The following NOX5 variants were observed in gnomAD, a reference collection of about 807,000 sequenced individuals.
NOX5 encodes the protein NADPH oxidase 5, also known as NADPH oxidase, EF-hand calcium binding domain 5.
In NOX5, 76 loss-of-function variants were observed where a neutral mutation model predicts 85.7. The ratio of observed to expected loss-of-function variants is 0.89; its 90% CI spans 0.74 to 1.07. NOX5 has a LOEUF of 1.07. Ranked by LOEUF, NOX5 falls within the 50% of genes least tolerant of loss-of-function variation. NOX5 has a pLI of 0.00. For missense variants in NOX5, 973 were observed against 999.5 expected (o/e 0.97, Z 0.36); for synonymous variants, 405 against 401.4 (o/e 1.01, Z -0.11).
rs775051442 is a variant in NOX5, at chr15:69,048,951, C to G, written c.1900-8C>G. On this transcript the variant is annotated splice_polypyrimidine_tract_variant and splice_region_variant and intron_variant, in intron 13 of 15. Transcript: ENST00000388866. The stretch of plus-strand genomic sequence containing the variant: ...CCAGCCTCTGAGCTGAAGGGCCTCT[C>G]TCCGTAGGTGGACTTTATCTGGATC... 4.4e-6 allele frequency: 7 copies of G among 1,607,504 alleles called. No homozygotes were observed. The highest frequency in any genetic ancestry group is 5.1e-6 in the Non-Finnish European group (6 of 1,176,936).
At chr15:69,031,837 C>G in intron 4 of NOX5, 25 bp downstream of exon 4, 1 of 1,579,844 alleles carries the variant, frequency 6.3e-7, no homozygotes, top group African/African-American at 1.3e-5. Flanking sequence ...CGGGCATTGG[C>G]ACTGTCCACG....
intron 2 of NOX5, among the ~76,000 whole-genome samples, chr15:69,027,502 T>C (rs1020171015): frequency 5.3e-5 from 8 of 152,002 alleles, no homozygotes; most frequent in Non-Finnish European, 8.8e-5. Flanking sequence ...CCCTCATAGT[T>C]TTATTAAGTC....
intron 1 of NOX5, among the ~76,000 whole-genome samples, chr15:69,025,396 A>G (rs895752210): frequency 1.2e-4 from 18 of 152,284 alleles, no homozygotes; most frequent in African/African-American, 4.1e-4. Context: ...AAGCACAAAA[A>G]TGTGAAAAAT....
intron 1 of NOX5, among the ~76,000 whole-genome samples, chr15:69,024,978 TA>T (rs1395066053): frequency 1.6e-4 from 25 of 152,224 alleles, no homozygotes; most frequent in African/African-American, 5.3e-4. Context: ...TGAAAACTAT[TA>T]CATTTATTTT....
At chr15:69,044,787 A>G (rs1014265975) in intron 10 of NOX5, among the ~76,000 whole-genome samples, 2 of 152,230 alleles carry the variant, frequency 1.3e-5, no homozygotes, top group East Asian at 3.8e-4. Flanking sequence ...AATAGTTTCT[A>G]TATCTGCATT....
intron 2 of NOX5, 101 bp from the exon 3 acceptor site, chr15:69,028,114 A>C (rs1595772367): frequency 1.5e-6 from 2 of 1,291,498 alleles, no homozygotes; most frequent in African/African-American, 1.5e-5. Context: ...TCTGTGGTGC[A>C]CCCCCCCACC....
At chr15:69,027,783 T>C (rs1202377784) in intron 2 of NOX5, among the ~76,000 whole-genome samples, 2 of 152,128 alleles carry the variant, frequency 1.3e-5, no homozygotes, top group Non-Finnish European at 1.5e-5. Context: ...GTGGAATCTA[T>C]AAGTCCTTCC....
intron 1 of NOX5, among the ~76,000 whole-genome samples, chr15:69,015,361 A>G (rs1433594153): frequency 2.0e-5 from 3 of 152,114 alleles, no homozygotes; most frequent in African/African-American, 7.2e-5. Flanking sequence ...CAGGCCCACC[A>G]CACTGATCTT....
Position 69,048,983 on chromosome 15 carries a change from G to C in NOX5, c.1924G>C (p.Asp642His). Reference protein sequence around the residue: ...HKVDFIWINRDQRSFEWFVSL... With the variant: ...HKVDFIWINRHQRSFEWFVSL... ...GGTGGACTTTATCTGGATCAACAGA[G>C]ACCAGCGGTCTTTCGAGTGGTTTGT... Residue 642 changes from aspartate to histidine, a missense_variant, in exon 14 of 16, where the codon GAC (aspartate) becomes CAC (histidine). By Grantham distance (81) the Asp-to-His change is moderately conservative. Transcript: ENST00000388866. 1 of 1,612,818 alleles carries C rather than the reference G, an allele frequency of 6.2e-7. No homozygotes were observed. Among genetic ancestry groups the C allele is most frequent in the Non-Finnish European group, 8.5e-7 (1 of 1,179,590 alleles).
At position 69,055,426 on chromosome 15, in the gene NOX5, G is replaced by A. The variant is rs778254437; in HGVS notation, c.2092G>A (p.Ala698Thr). The A allele has an allele frequency of 2.5e-6, 4 of 1,614,186 alleles. No homozygotes were observed. The highest frequency in any genetic ancestry group is 3.4e-6 in the Non-Finnish European group (4 of 1,180,034). ...CCTGCAGATGGCCCTTGACCTCCTGGCCAACAAGGAGAAGAAAGACTCCAT... is the reference window on the plus strand; with the variant it reads ...CCTGCAGATGGCCCTTGACCTCCTGACCAACAAGGAGAAGAAAGACTCCAT... ...IGLQMALDLL[A>T]NKEKKDSITG... The change falls in exon 15 of 16, where the codon GCC (alanine) becomes ACC (threonine). Residue 698 changes from alanine (A) to threonine (T), a missense_variant. Ala to Thr is a moderately conservative substitution (Grantham distance 58, BLOSUM62 0). Coordinates refer to ENST00000388866, the MANE Select transcript of NOX5 (RefSeq NM_024505.4).
chr15:69,037,784 G>C (rs1016401467), intron 8 of NOX5: 5 of 152,392 alleles, frequency 3.3e-5, no homozygotes, highest in Non-Finnish European at 7.3e-5. Context: ...GTGCTTGGGG[G>C]ACCACAGGTA....
At chr15:69,032,375 G>A (rs892032895) in intron 4 of NOX5, among the ~76,000 whole-genome samples, 2 of 151,820 alleles carry the variant, frequency 1.3e-5, no homozygotes, top group Non-Finnish European at 2.9e-5. Context: ...TCTGAATAGA[G>A]CCGGTTTTGT....
In NOX5 at chr15:69,033,107, C is replaced by A; in HGVS notation, c.685C>A (p.Arg229Ser). The change falls in exon 5 of 16, where the codon CGC becomes AGC. Residue 229 changes from arginine (R) to serine (S), a missense_variant. By Grantham distance (110) the Arg-to-Ser change is moderately radical (BLOSUM62 -1). Transcript: ENST00000388866. Reference protein sequence around the residue: ...PRPRRPRQLTRAYWHNHRSQL... With the variant: ...PRPRRPRQLTSAYWHNHRSQL... ...CCCGCGCCGGCCGCGCCAGCTGACC[C>A]GCGCCTACTGGCACAACCACCGCAG... 1 of 1,556,848 alleles carries A rather than the reference C, an allele frequency of 6.4e-7. No individual in the cohort carries two copies. The highest frequency in any genetic ancestry group is 8.6e-7 in the Non-Finnish European group (1 of 1,157,628).
At chr15:69,028,127 C>T in intron 2 of NOX5, 88 bp from the exon 3 acceptor site, 1 of 1,428,134 alleles carries the variant, frequency 7.0e-7, no homozygotes, top group Non-Finnish European at 9.4e-7. Context: ...CCCCCACCAC[C>T]ACCCCAGACA....
intron 3 of NOX5, chr15:69,030,220 TATG>T (rs1312744375): frequency 6.6e-6 from 1 of 152,232 alleles, no homozygotes; most frequent in East Asian, 1.9e-4. Flanking sequence ...AAATAGGAAT[TATG>T]ATAATAATAT....
intron 5 of NOX5, among the ~76,000 whole-genome samples, chr15:69,033,485 C>A (rs2050468972): frequency 6.6e-6 from 1 of 152,090 alleles, no homozygotes; most frequent in Admixed American, 6.6e-5. Flanking sequence ...TAAATAATAA[C>A]ATAACTGGCA....
intron 14 of NOX5, among the ~76,000 whole-genome samples, chr15:69,050,754 G>C: frequency 6.6e-6 from 1 of 152,130 alleles, no homozygotes; most frequent in East Asian, 1.9e-4. Context: ...GTAAGACTGT[G>C]GATCTTCTTG....
At chr15:69,024,439 C>G (rs2140249727) in intron 1 of NOX5, among the ~76,000 whole-genome samples, 1 of 152,208 alleles carries the variant, frequency 6.6e-6, no homozygotes, top group South Asian at 2.1e-4. Flanking sequence ...CCTTTCTGCT[C>G]TGTCCCACCT....
rs150192251 is a variant in NOX5, at chr15:69,035,429, A to G, written c.931A>G (p.Ile311Val). 5.6e-6 allele frequency: 9 copies of G among 1,614,046 alleles called. No homozygotes were observed. In the African/African-American group the frequency reaches 9.3e-5, roughly 17 times the overall value. Reference sequence around the variant, plus strand: ...TCAAGTCCTACCACTGGACCAGAACATCCAGTTCCACCAGCTTATGGGCTA... The same window carrying G: ...TCAAGTCCTACCACTGGACCAGAACGTCCAGTTCCACCAGCTTATGGGCTA... ...LAQVLPLDQNIQFHQLMGYVV... is the reference protein window; with the variant it reads ...LAQVLPLDQNVQFHQLMGYVV... Residue 311 changes from isoleucine (I) to valine (V), a missense_variant, in exon 6 of 16, where the codon ATC becomes GTC. Ile to Val is a conservative substitution (Grantham distance 29, BLOSUM62 3). Transcript: ENST00000388866.
Sources: allele counts gnomAD v4.1 joint callset (sites outside exome capture counted in the v4.1 genomes callset), GRCh38; gene constraint gnomAD v4.1.1; transcripts MANE v1.5; gene names NCBI Gene and HGNC (gene_info 2026-07-23, HGNC 2026-07-21).